Variants in GRK7 observed in about 807,000 individuals in gnomAD.
GRK7 encodes rhodopsin kinase GRK7.
In GRK7, 24 loss-of-function variants were observed where a neutral mutation model predicts 34.1. The ratio of observed to expected loss-of-function variants is 0.70; its 90% CI spans 0.51 to 0.99. The LOEUF (loss-of-function observed/expected upper bound fraction) is 0.99, where lower values mean the gene tolerates loss of function less well. Among genes scored for constraint, GRK7 ranks in the 50% least tolerant of loss-of-function variants. The probability of loss-of-function intolerance (pLI) is 0.00; values close to 1 mark genes in which losing one functional copy is unlikely to be tolerated. For synonymous variants in GRK7, 256 were observed against 279.4 expected (o/e 0.92, Z 0.84); for missense variants, 644 against 707.3 (o/e 0.91, Z 1.02).
intron 4 of GRK7, among the ~76,000 whole-genome samples, chr3:141,793,594 C>T (rs2084735813): frequency 6.6e-6 from 1 of 152,188 alleles, no homozygotes; most frequent in South Asian, 2.1e-4. Context: ...GATGACTCTT[C>T]TGAGTTGGCC....
Position 141,778,879 on chromosome 3 carries a change from A to T in GRK7, c.595A>T (p.Lys199Ter). ...CTTCACTGAGTTCAGAGTGCTGGGG[A>T]AAGGTGGTTTTGGGGAGGTAAGTGT... The part of the protein sequence containing the change: ...KYFTEFRVLG[K>*]GGFGEVCAVQ... Residue 199 changes from lysine (K) to a stop codon, truncating the protein, a stop_gained, in exon 3 of 6, where the codon AAA becomes TAA. Coordinates refer to ENST00000682958, the MANE Select transcript of GRK7 (RefSeq NM_139209.3). LOFTEE classifies it high-confidence loss of function. The surrounding 1 kb of genome is among the most constrained non-coding windows in gnomAD (Gnocchi z 4.1). The T allele has an allele frequency of 6.2e-7, 1 of 1,610,734 alleles. No individual in the cohort carries two copies. The highest frequency in any genetic ancestry group is 1.1e-5 in the South Asian group (1 of 90,402).
At chr3:141,813,466 T>G (rs1383862614) in intron 5 of GRK7, among the ~76,000 whole-genome samples, 1 of 152,076 alleles carries the variant, frequency 6.6e-6, no homozygotes, top group Non-Finnish European at 1.5e-5. Context: ...TCTCAGTAAC[T>G]CTCCCTCAAG....
intron 1 of GRK7, among the ~76,000 whole-genome samples, chr3:141,766,759 G>T (rs1232949436): frequency 1.3e-5 from 2 of 152,012 alleles, no homozygotes; most frequent in Non-Finnish European, 2.9e-5. Context: ...TGCTAACATT[G>T]TATTGTTTGG....
At position 141,780,716 on chromosome 3, in the gene GRK7, C is replaced by G. The variant is rs374902402; in HGVS notation, c.955C>G (p.Pro319Ala). Reference protein sequence around the residue: ...ELGIVYRDMKPENVLLDDLGN... With the variant: ...ELGIVYRDMKAENVLLDDLGN... ...CGGCATCGTCTATCGGGACATGAAG[C>G]CTGAGAATGTGCTTCTGGATGACCT... is the stretch of plus-strand genomic sequence containing the variant. The change falls in exon 4 of 6, where the codon CCT (proline) becomes GCT (alanine). Residue 319 changes from proline to alanine, a missense_variant. By Grantham distance (27) the Pro-to-Ala change is conservative. Transcript: ENST00000682958. 1.2e-5 allele frequency: 19 copies of G among 1,614,144 alleles called. No homozygotes were observed. Among genetic ancestry groups the G allele is most frequent in the Admixed American group, 1.7e-5 (1 of 60,024 alleles).
chr3:141,752,516 A>G, the GRK7 span, among the ~76,000 whole-genome samples: 2 of 152,246 alleles, frequency 1.3e-5, no homozygotes, highest in African/African-American at 4.8e-5. Context: ...AATAACTTAT[A>G]TACATTTTGA....
intron 4 of GRK7, among the ~76,000 whole-genome samples, chr3:141,796,342 C>T (rs891397133): frequency 1.3e-5 from 2 of 152,188 alleles, no homozygotes; most frequent in African/African-American, 4.8e-5. Context: ...CTGCCTTTAG[C>T]GTTGATGAGA....
chr3:141,799,610 TAA>T (rs565825432), intron 4 of GRK7, among the ~76,000 whole-genome samples: 1 of 143,968 alleles, frequency 6.9e-6, no homozygotes, highest in Non-Finnish European at 1.5e-5. Context: ...AGGCTCGGTC[TAA>T]AAAAAAAAAA....
chr3:141,786,301 T>G (rs2084695953), intron 4 of GRK7, among the ~76,000 whole-genome samples: 2 of 152,148 alleles, frequency 1.3e-5, no homozygotes, highest in South Asian at 4.1e-4. Context: ...ACATTGGAAC[T>G]AAAGAATGAT....
the GRK7 span, among the ~76,000 whole-genome samples, chr3:141,750,275 T>C: frequency 1.3e-5 from 2 of 152,218 alleles, no homozygotes; most frequent in African/African-American, 4.8e-5. Context: ...ACTTGATAAA[T>C]CTGATTCAGT....
At chr3:141,806,666 A>G (rs1711039561) in intron 4 of GRK7, among the ~76,000 whole-genome samples, 1 of 152,080 alleles carries the variant, frequency 6.6e-6, no homozygotes, top group South Asian at 2.1e-4. Context: ...GATTCCACTT[A>G]TATGAGGTAC....
chr3:141,773,701 A>T (rs2084626826), intron 1 of GRK7, among the ~76,000 whole-genome samples: 2 of 152,128 alleles, frequency 1.3e-5, no homozygotes, highest in Non-Finnish European at 2.9e-5. Context: ...GGCATGAGCC[A>T]CCGCGCCCGG....
At chr3:141,801,225 G>A (rs182171614) in intron 4 of GRK7, among the ~76,000 whole-genome samples, 5,183 of 150,580 alleles carry the variant, frequency 0.034, 132 homozygotes, top group South Asian at 0.064. Context: ...GCAGGAGAAT[G>A]GCGTGAACCT....
chr3:141,792,566 T>C (rs945322949), intron 4 of GRK7, among the ~76,000 whole-genome samples: 15 of 152,158 alleles, frequency 9.9e-5, no homozygotes, highest in Admixed American at 3.9e-4. Flanking sequence ...ACTTACATGA[T>C]ACTAGAAGGA....
chr3:141,750,764 CTT>C, the GRK7 span, among the ~76,000 whole-genome samples: 262 of 142,966 alleles, frequency 1.8e-3, no homozygotes, highest in Admixed American at 3.9e-3. Context: ...GGTTTATAAC[CTT>C]TTTTTTTTTT....
intron 4 of GRK7, among the ~76,000 whole-genome samples, chr3:141,788,980 A>G (rs886400791): frequency 2.0e-5 from 3 of 152,040 alleles, no homozygotes; most frequent in Admixed American, 6.6e-5. Flanking sequence ...ATGCCTGGCT[A>G]ATTTTTGTAT....
chr3:141,807,071 T>A (rs1389394776), intron 4 of GRK7, among the ~76,000 whole-genome samples: 1 of 152,154 alleles, frequency 6.6e-6, no homozygotes, highest in African/African-American at 2.4e-5. Context: ...GTGTATGGAA[T>A]TTCCTCAATT....
chr3:141,755,860 T>G, the GRK7 span, among the ~76,000 whole-genome samples: 1 of 152,124 alleles, frequency 6.6e-6, no homozygotes, highest in East Asian at 1.9e-4. Flanking sequence ...AATGAAAATA[T>G]GCATCCACAC....
In GRK7 at chr3:141,778,629, T is replaced by G. The variant is rs1577913774; in HGVS notation, c.345T>G (p.Ser115Arg). The part of the protein sequence containing the change: ...ALQGLVATCA[S>R]APAPGNPQPF... ...AGGGGCTGGTGGCCACTTGTGCGAG[T>G]GCCCCTGCCCCGGGGAACCCGCAAC... is the stretch of plus-strand genomic sequence containing the variant. Residue 115 changes from serine to arginine, a missense_variant, in exon 3 of 6, where the codon AGT (serine) becomes AGG (arginine). Coordinates refer to ENST00000682958, the MANE Select transcript of GRK7 (RefSeq NM_139209.3). This position sits in a 1 kb window ranked among gnomAD's most constrained non-coding sequence, Gnocchi z 4.1. 6.2e-7 allele frequency: 1 copy of G among 1,612,154 alleles called. No individual in the cohort carries two copies. Among genetic ancestry groups the G allele is most frequent in the Non-Finnish European group, 8.5e-7 (1 of 1,179,214 alleles).
At chr3:141,813,619 G>C (rs1711118777) in intron 5 of GRK7, among the ~76,000 whole-genome samples, 1 of 152,112 alleles carries the variant, frequency 6.6e-6, no homozygotes, top group Non-Finnish European at 1.5e-5. Flanking sequence ...TTTTGATCCA[G>C]GTCTCCATAC....
Sources: gnomAD v4.1 joint callset for allele counts (sites outside exome capture counted in the v4.1 genomes callset) on GRCh38, gnomAD v4.1.1 for gene constraint, Gnocchi (gnomAD v3.1) non-coding constraint, MANE v1.5 for transcripts, NCBI Gene and HGNC (gene_info 2026-07-23, HGNC 2026-07-21) for gene names.